AGAP3: variants seen among roughly 807,000 people sequenced by gnomAD.
AGAP3 encodes the protein ArfGAP with GTPase domain, ankyrin repeat and PH domain 3.
A neutral mutation model predicts 96.9 loss-of-function variants in AGAP3; 24 were observed. The ratio of observed to expected loss-of-function variants is 0.25; its 90% CI spans 0.18 to 0.35. AGAP3 has a LOEUF of 0.35. Ranked by LOEUF, AGAP3 falls within the 10% of genes least tolerant of loss-of-function variation. AGAP3 has a pLI of 1.00. For synonymous variants in AGAP3, 563 were observed against 536.1 expected (o/e 1.05, Z -0.69); for missense variants, 876 against 1,254.2 (o/e 0.70, Z 4.55).
intron 11 of AGAP3, among the ~76,000 whole-genome samples, chr7:151,135,750 C>T (rs1201828901): frequency 6.6e-6 from 1 of 152,232 alleles, no homozygotes; most frequent in Non-Finnish European, 1.5e-5. Flanking sequence ...GATGTCTCTG[C>T]ATCAGGTCCC....
chr7:151,140,028 C>G lies in AGAP3; in HGVS notation c.1716C>G (p.Pro572=). The change falls in exon 13 of 18, where the codon CCC becomes CCG. Residue 572 remains proline, a synonymous_variant. Coordinates refer to ENST00000397238, the MANE Select transcript of AGAP3 (RefSeq NM_031946.7). The surrounding 1 kb of genome is among the most constrained non-coding windows in gnomAD (Gnocchi z 5.4). The part of the protein sequence containing the change: ...VLSSSPKLDP[P]PSPHSNRKKH... ...GTTCCAGCCCCAAGCTGGATCCTCC[C>G]CCATCTCCCCACTCCAACCGGAAGA... is the stretch of plus-strand genomic sequence containing the variant. The G allele has an allele frequency of 1.2e-6, 2 of 1,603,132 alleles. No individual in the cohort carries two copies. Among genetic ancestry groups the G allele is most frequent in the Non-Finnish European group, 8.5e-7 (1 of 1,175,360 alleles).
chr7:151,089,366 C>G (rs969791167), intron 1 of AGAP3, among the ~76,000 whole-genome samples: 1 of 152,134 alleles, frequency 6.6e-6, no homozygotes, highest in Non-Finnish European at 1.5e-5. Context: ...CCACCCCCAG[C>G]CCCAGGGCGG....
chr7:151,127,273 C>T (rs900374781), intron 9 of AGAP3, among the ~76,000 whole-genome samples: 3 of 152,210 alleles, frequency 2.0e-5, no homozygotes, highest in East Asian at 3.8e-4. Context: ...ATCTCTTAGT[C>T]CCTGTGTTGT....
At chr7:151,086,395 G>A (rs1037681425), upstream of AGAP3, among the ~76,000 whole-genome samples, 2 of 138,684 alleles carry the variant, frequency 1.4e-5, no homozygotes, top group African/African-American at 2.6e-5. Context: ...CTCGGGCTGC[G>A]TGTGCCGGAG....
intron 1 of AGAP3, chr7:151,115,581 G>A: frequency 8.7e-7 from 1 of 1,152,980 alleles, no homozygotes; most frequent in Non-Finnish European, 1.1e-6. Context: ...GCCCGCGCCC[G>A]CCGCGCCGCT....
In AGAP3 at chr7:151,141,556, C is replaced by G; in HGVS notation, c.1805-342C>G. On this transcript the variant is annotated intron_variant, in intron 13 of 17. Coordinates refer to ENST00000397238, the MANE Select transcript of AGAP3 (RefSeq NM_031946.7). The surrounding 1 kb of genome is among the most constrained non-coding windows in gnomAD (Gnocchi z 4.2). ...TTTGCCTCCTAGCACCCCGTCACAT[C>G]CTTCTCCAGATACTCAGCTCTTTCT... 6.2e-6 allele frequency: 2 copies of G among 322,752 alleles called. No individual in the cohort carries two copies. The highest frequency in any genetic ancestry group is 7.0e-5 in the South Asian group (2 of 28,664). The allele number at this position is 322,752 out of a possible 1,614,324, so 20.0% of individuals were successfully genotyped here.
In AGAP3 at chr7:151,117,198, C is replaced by T; in HGVS notation, c.478+16C>T. 6.2e-7 allele frequency: 1 copy of T among 1,609,732 alleles called. No individual in the cohort carries two copies. ...TCCCCTGAAGGTGAGCGTCACAGGC[C>T]CAGCCTGGGCCCTGAGGCCGGCCAC... On this transcript the variant is annotated intron_variant, in intron 3 of 17. Transcript: ENST00000397238.
chr7:151,142,894 G>A lies in AGAP3; in HGVS notation c.2273+260G>A, dbSNP rs1800875646. On this transcript the variant is annotated intron_variant, in intron 16 of 17. Transcript: ENST00000397238. This position sits in a 1 kb window ranked among gnomAD's most constrained non-coding sequence, Gnocchi z 7.5. Reference sequence around the variant, plus strand: ...GCATGCGCAGGGCCCCTATCACGGTGTGGTGCAGAGCGCCCACTCCGGAGC... The same window carrying A: ...GCATGCGCAGGGCCCCTATCACGGTATGGTGCAGAGCGCCCACTCCGGAGC... Among the ~76,000 whole-genome samples, 1 of 152,232 alleles carries A rather than the reference G, an allele frequency of 6.6e-6. No homozygotes were observed. Among genetic ancestry groups the A allele is most frequent in the Non-Finnish European group, 1.5e-5 (1 of 68,028 alleles).
intron 8 of AGAP3, chr7:151,123,559 T>G: frequency 4.5e-6 from 6 of 1,332,710 alleles, no homozygotes; most frequent in Admixed American, 3.2e-5. Flanking sequence ...TCCTTGCTCT[T>G]TTGTAAGGGG....
chr7:151,103,666 G>A (rs1033886189), intron 1 of AGAP3, among the ~76,000 whole-genome samples: 5 of 152,290 alleles, frequency 3.3e-5, no homozygotes, highest in Admixed American at 3.3e-4. Flanking sequence ...TAGCACCTAG[G>A]AAGGTCAGAA....
At chr7:151,122,586 T>TCTCCTCCTCCTCCTCCTC in intron 8 of AGAP3, 1 of 910,740 alleles carries the variant, frequency 1.1e-6, no homozygotes, top group East Asian at 2.7e-5. Context: ...TCCTCGTCCT[T>TCTCCTCCTCCTCCTCCTC]CTCCTCCTCC....
intron 1 of AGAP3, among the ~76,000 whole-genome samples, chr7:151,112,746 G>T (rs929207225): frequency 1.3e-5 from 2 of 152,032 alleles, no homozygotes; most frequent in African/African-American, 4.8e-5. Flanking sequence ...CCACAGGCTC[G>T]TGCCACCATG....
rs1290496322 is a variant in AGAP3, at chr7:151,108,966, TG to T, written c.332-7825del. Among the ~76,000 whole-genome samples, 1 of 152,178 alleles carries T rather than the reference TG, an allele frequency of 6.6e-6. No homozygotes were observed. Among genetic ancestry groups the T allele is most frequent in the Non-Finnish European group, 1.5e-5 (1 of 68,028 alleles). ...TCTTCCCAGTATGCACTAGCTTTTC[TG>T]GAGAGCTCATAGCTTCCTAGGGCTG... is the stretch of plus-strand genomic sequence containing the variant. On this transcript the variant is annotated intron_variant, in intron 1 of 17. Transcript: ENST00000397238. The surrounding 1 kb of genome is among the most constrained non-coding windows in gnomAD (Gnocchi z 4.2).
At chr7:151,125,651 G>C (rs1210000373) in intron 9 of AGAP3, among the ~76,000 whole-genome samples, 1 of 152,110 alleles carries the variant, frequency 6.6e-6, no homozygotes, top group Non-Finnish European at 1.5e-5. Flanking sequence ...CATTCCTGGC[G>C]CTTCCCCGCT....
At chr7:151,113,788 T>C (rs1028341381) in intron 1 of AGAP3, among the ~76,000 whole-genome samples, 7 of 152,216 alleles carry the variant, frequency 4.6e-5, no homozygotes, top group African/African-American at 1.7e-4. Flanking sequence ...CGGGGAGCTC[T>C]TGCCTCCAAT....
Position 151,142,391 on chromosome 7 carries a change from C to T in AGAP3, c.2051-21C>T, listed in dbSNP as rs1800851902. 6.2e-7 allele frequency: 1 copy of T among 1,609,224 alleles called. No homozygotes were observed. Among genetic ancestry groups the T allele is most frequent in the African/African-American group, 1.3e-5 (1 of 74,966 alleles). On this transcript the variant is annotated intron_variant, in intron 15 of 17. Transcript: ENST00000397238. This position sits in a 1 kb window ranked among gnomAD's most constrained non-coding sequence, Gnocchi z 7.5. The stretch of plus-strand genomic sequence containing the variant: ...GGTGGCCTGCCTGCTGTCGCTGTAT[C>T]ATTCTCCTCTCCTTGCCTAGATCCA...
chr7:151,125,650 C>T (rs1800124550), intron 9 of AGAP3, among the ~76,000 whole-genome samples: 1 of 152,046 alleles, frequency 6.6e-6, no homozygotes, highest in Non-Finnish European at 1.5e-5. Flanking sequence ...CCATTCCTGG[C>T]GCTTCCCCGC....
intron 1 of AGAP3, among the ~76,000 whole-genome samples, chr7:151,089,002 C>T (rs1188388796): frequency 9.2e-5 from 14 of 152,146 alleles, no homozygotes; most frequent in Admixed American, 6.5e-4. Context: ...AGCCGCGGCT[C>T]ACACATCCGT....
chr7:151,109,868 T>C (rs561634415), intron 1 of AGAP3, among the ~76,000 whole-genome samples: 6 of 152,054 alleles, frequency 3.9e-5, no homozygotes, highest in Admixed American at 1.3e-4. Context: ...CCTTGCGCAA[T>C]AGGAGCAGCT....
Sources: gnomAD v4.1 joint callset for allele counts (sites outside exome capture counted in the v4.1 genomes callset) on GRCh38, gnomAD v4.1.1 for gene constraint, Gnocchi (gnomAD v3.1) non-coding constraint, MANE v1.5 for transcripts, NCBI Gene and HGNC (gene_info 2026-07-23, HGNC 2026-07-21) for gene names.